The following FAM13A variants were observed in gnomAD, a reference collection of about 807,000 sequenced individuals.
The protein encoded by FAM13A is family with sequence similarity 13 member A.
In FAM13A, 76 loss-of-function variants were observed where a neutral mutation model predicts 129.6. That is an observed-to-expected ratio of 0.59 (90% CI 0.49 to 0.71). The LOEUF is 0.71. Ranked by LOEUF, FAM13A falls within the 30% of genes least tolerant of loss-of-function variation. The probability of loss-of-function intolerance (pLI) is 0.00; values close to 1 mark genes in which losing one functional copy is unlikely to be tolerated. For synonymous variants in FAM13A, 443 were observed against 449.9 expected (o/e 0.98, Z 0.20); for missense variants, 1,108 against 1,249.3 (o/e 0.89, Z 1.70).
intron 4 of FAM13A, among the ~76,000 whole-genome samples, chr4:88,960,914 T>C (rs1196369968): frequency 6.6e-6 from 1 of 152,164 alleles, no homozygotes; most frequent in Admixed American, 6.5e-5. Flanking sequence ...ATAAAGAAAC[T>C]TTAAAAAAAT....
chr4:88,746,384 C>T (rs1017072411), intron 19 of FAM13A, among the ~76,000 whole-genome samples: 4 of 152,140 alleles, frequency 2.6e-5, no homozygotes, highest in Non-Finnish European at 5.9e-5. Flanking sequence ...AAATGCTTCC[C>T]GTTGTTATGA....
At chr4:88,926,340 CAT>C (rs552354003) in intron 5 of FAM13A, among the ~76,000 whole-genome samples, 103 of 152,194 alleles carry the variant, frequency 6.8e-4, no homozygotes, top group South Asian at 3.3e-3. Flanking sequence ...TTATAGAAAA[CAT>C]AAGTGATCTT....
intron 8 of FAM13A, among the ~76,000 whole-genome samples, chr4:88,792,293 G>A (rs1412759349): frequency 2.6e-5 from 4 of 151,968 alleles, no homozygotes; most frequent in African/African-American, 9.7e-5. Flanking sequence ...AATGAGCTAG[G>A]ATTTGAACCA....
intron 7 of FAM13A, among the ~76,000 whole-genome samples, chr4:88,822,788 G>A (rs1732260722): frequency 6.6e-6 from 1 of 152,084 alleles, no homozygotes; most frequent in Admixed American, 6.5e-5. Context: ...AGATAAGTTG[G>A]GCAAAATGTC....
chr4:88,872,257 T>A (rs1238521011), intron 6 of FAM13A, among the ~76,000 whole-genome samples: 7 of 152,178 alleles, frequency 4.6e-5, no homozygotes, highest in Admixed American at 4.6e-4. Flanking sequence ...AATAACCAGC[T>A]AACATCATAA....
rs34237387 is a variant in FAM13A, at chr4:89,033,136, A to ACTCT, written c.28-3491_28-3488dup. ...GTTCTGTAACAACACACACACACACACTCTCTCTCTCTCTCTCTCTCTAAT... is the reference window on the plus strand; with the variant it reads ...GTTCTGTAACAACACACACACACACACTCTCTCTCTCTCTCTCTCTCTCTCTAAT... On this transcript the variant is annotated intron_variant, in intron 1 of 23. Transcript: ENST00000264344. Among the ~76,000 whole-genome samples, 313 of 149,970 alleles carry ACTCT rather than the reference A, an allele frequency of 2.1e-3. 1 individual carries two copies. The highest frequency in any genetic ancestry group is 7.3e-3 in the African/African-American group (296 of 40,826).
At chr4:88,901,144 C>A (rs537827724) in intron 6 of FAM13A, among the ~76,000 whole-genome samples, 31 of 152,258 alleles carry the variant, frequency 2.0e-4, no homozygotes, top group Admixed American at 9.8e-4. Flanking sequence ...ATTCATAAAG[C>A]AAGTTCTTAG....
chr4:89,024,478 C>A (rs1313767288), intron 2 of FAM13A, among the ~76,000 whole-genome samples: 1 of 152,150 alleles, frequency 6.6e-6, no homozygotes, highest in African/African-American at 2.4e-5. Flanking sequence ...AATTCCTTTA[C>A]AATAATAGTT....
At chr4:88,933,811 C>T (rs978179600) in intron 5 of FAM13A, among the ~76,000 whole-genome samples, 4 of 152,096 alleles carry the variant, frequency 2.6e-5, no homozygotes, top group Non-Finnish European at 4.4e-5. Context: ...CTTTCAAGAA[C>T]CTAGTAATCT....
intron 4 of FAM13A, among the ~76,000 whole-genome samples, chr4:88,985,589 T>C (rs1260295703): frequency 6.6e-6 from 1 of 152,172 alleles, no homozygotes; most frequent in Non-Finnish European, 1.5e-5. Context: ...CACTCTTGCA[T>C]GCTGCTAACA....
At chr4:89,000,159 AATAAAGTTACAAT>A (rs1343690247) in intron 3 of FAM13A, among the ~76,000 whole-genome samples, 1 of 152,192 alleles carries the variant, frequency 6.6e-6, no homozygotes, top group East Asian at 1.9e-4. Flanking sequence ...AGTTACTCAA[AATAAAGTTACAAT>A]ATAACATAGC....
intron 7 of FAM13A, among the ~76,000 whole-genome samples, chr4:88,807,528 A>G (rs1728811884): frequency 6.6e-6 from 1 of 152,200 alleles, no homozygotes; most frequent in Non-Finnish European, 1.5e-5. Context: ...ATTACATGTT[A>G]GTTCATTTTT....
intron 8 of FAM13A, 52 bp downstream of exon 8, chr4:88,804,959 C>A: frequency 2.0e-6 from 2 of 990,838 alleles, no homozygotes; most frequent in Non-Finnish European, 3.2e-6. Flanking sequence ...CCCAAAGAAG[C>A]CTTAACCCTC....
At chr4:88,767,925 A>G (rs1457079547) in intron 12 of FAM13A, 58 bp downstream of exon 12, 1 of 1,046,336 alleles carries the variant, frequency 9.6e-7, no homozygotes, top group Non-Finnish European at 1.5e-6. Context: ...ATTGCATTAC[A>G]TGAAAATAAC....
At chr4:88,957,662 T>C (rs74368836) in intron 4 of FAM13A, among the ~76,000 whole-genome samples, 7,576 of 152,162 alleles carry the variant, frequency 0.05, 291 homozygotes, top group South Asian at 0.23. Flanking sequence ...CAGAAGAAGA[T>C]AGGAAGACAA....
At chr4:88,739,432 T>A (rs1739713378) in intron 19 of FAM13A, among the ~76,000 whole-genome samples, 1 of 151,894 alleles carries the variant, frequency 6.6e-6, no homozygotes, top group Admixed American at 6.6e-5. Context: ...AGTTCCCAGA[T>A]GACTATTTTC....
intron 19 of FAM13A, among the ~76,000 whole-genome samples, chr4:88,739,769 A>G (rs1371033285): frequency 7.1e-6 from 1 of 140,034 alleles, no homozygotes; most frequent in Non-Finnish European, 1.5e-5. Context: ...CCTGGGTGAC[A>G]GAGAAAGACT....
intron 2 of FAM13A, among the ~76,000 whole-genome samples, chr4:89,026,520 A>G (rs1807870): frequency 0.6 from 91,124 of 152,036 alleles, 27,962 homozygotes; most frequent in Middle Eastern, 0.7. Context: ...AGGTTTAACT[A>G]ACTCACAGTT....
At chr4:88,921,177 T>C (rs1211457596) in intron 5 of FAM13A, among the ~76,000 whole-genome samples, 1 of 151,850 alleles carries the variant, frequency 6.6e-6, no homozygotes, top group Non-Finnish European at 1.5e-5. Context: ...CAGGCCAACA[T>C]TCAGATTCAG....
Sources: gnomAD v4.1 joint callset for allele counts (sites outside exome capture counted in the v4.1 genomes callset) on GRCh38, gnomAD v4.1.1 for gene constraint, MANE v1.5 for transcripts, NCBI Gene and HGNC (gene_info 2026-07-23, HGNC 2026-07-21) for gene names.